Variants in CAPN3 observed in about 807,000 individuals in gnomAD.
The protein encoded by CAPN3 is calpain-3.
In CAPN3, 88 loss-of-function variants were observed where a neutral mutation model predicts 114.0. That is an observed-to-expected ratio of 0.77 (90% confidence interval 0.65 to 0.92). The LOEUF (loss-of-function observed/expected upper bound fraction) is 0.92, where lower values mean the gene tolerates loss of function less well. CAPN3 is among the 40% of genes least tolerant of loss of function. The probability of loss-of-function intolerance (pLI) is 0.00; values close to 1 mark genes in which losing one functional copy is unlikely to be tolerated. For missense variants in CAPN3, 1,028 were observed against 1,069.0 expected, an observed-to-expected ratio of 0.96 and a Z score of 0.53; for synonymous variants, 386 against 382.9, an observed-to-expected ratio of 1.01 and a Z score of -0.09.
chr15:42,360,485 C>T (rs753306079), intron 1 of CAPN3, among the ~76,000 whole-genome samples: 3 of 151,998 alleles, frequency 2.0e-5, no homozygotes, highest in African/African-American at 4.8e-5. Flanking sequence ...TGTACCTGTT[C>T]GTTTTAAATA....
intron 1 of CAPN3, among the ~76,000 whole-genome samples, chr15:42,362,401 G>C (rs1310312479): frequency 6.6e-6 from 1 of 152,296 alleles, no homozygotes; most frequent in East Asian, 1.9e-4. Flanking sequence ...TTATGCTCTA[G>C]GTACTAGATT....
chr15:42,396,920 G>A, intron 9 of CAPN3, 43 bp downstream of exon 9: 1 of 1,406,840 alleles, frequency 7.1e-7, no homozygotes, highest in Non-Finnish European at 1.0e-6. Context: ...TAAGGGTGGG[G>A]AAGAGAGGGG....
intron 1 of CAPN3, among the ~76,000 whole-genome samples, chr15:42,372,824 G>A (rs1348279407): frequency 1.3e-5 from 2 of 151,436 alleles, no homozygotes; most frequent in Non-Finnish European, 2.9e-5. Flanking sequence ...CTCCAGCTTG[G>A]GTGACAGAGG....
At chr15:42,379,274 G>T (rs1210899994) in intron 1 of CAPN3, among the ~76,000 whole-genome samples, 1 of 151,864 alleles carries the variant, frequency 6.6e-6, no homozygotes, top group African/African-American at 2.4e-5. Context: ...TCGCACCACT[G>T]CACTCCAGCC....
chr15:42,398,299 T>C (rs1434555036), intron 9 of CAPN3, among the ~76,000 whole-genome samples: 2 of 151,736 alleles, frequency 1.3e-5, no homozygotes, highest in African/African-American at 2.4e-5. Context: ...TTGAAAGATA[T>C]ATAGGCTGGG....
chr15:42,401,575 T>C lies in CAPN3; in HGVS notation c.1355-66T>C. ...GGGAATAGAAATAAATGGCTCCCTCTGTCTCATCCCCTTCCTGCCCTCTGA... is the reference window on the plus strand; with the variant it reads ...GGGAATAGAAATAAATGGCTCCCTCCGTCTCATCCCCTTCCTGCCCTCTGA... On this transcript the variant is annotated intron_variant, in intron 10 of 23. Coordinates refer to ENST00000397163, the MANE Select transcript of CAPN3 (RefSeq NM_000070.3). The C allele has an allele frequency of 2.2e-6, 3 of 1,368,892 alleles. No homozygotes were observed. The Admixed American group carries it at 5.4e-5, about 25-fold the overall frequency. 84.8% of individuals were successfully genotyped at this position (1,368,892 alleles called of 1,614,324 possible). A position where few individuals can be genotyped will look rare whatever the true frequency, so the allele number is the denominator to read the frequency against.
At chr15:42,366,690 C>T (rs1448638088) in intron 1 of CAPN3, among the ~76,000 whole-genome samples, 1 of 151,954 alleles carries the variant, frequency 6.6e-6, no homozygotes, top group Non-Finnish European at 1.5e-5. Context: ...AAGAAAAACA[C>T]CTGCCCGTTT....
intron 1 of CAPN3, among the ~76,000 whole-genome samples, chr15:42,381,660 C>T (rs1015474007): frequency 6.6e-6 from 1 of 152,184 alleles, no homozygotes; most frequent in Non-Finnish European, 1.5e-5. Context: ...CTGCCTCAGC[C>T]TCCCGAGTAG....
chr15:42,401,708 G>A lies in CAPN3; in HGVS notation c.1422G>A (p.Ser474=), dbSNP rs367855757. The change falls in exon 11 of 24, where the codon TCG becomes TCA. Residue 474 remains serine, a synonymous_variant. Transcript: ENST00000397163. ...LLEEDDDPDD[S]EVICSFLVAL... is the part of the protein sequence containing the mutation. Reference sequence around the variant, plus strand: ...AGGAGGACGATGACCCTGATGACTCGGAGGTGATTTGCAGCTTCCTGGTGG... The same window carrying A: ...AGGAGGACGATGACCCTGATGACTCAGAGGTGATTTGCAGCTTCCTGGTGG... 78 of 1,614,046 alleles carry A rather than the reference G, an allele frequency of 4.8e-5. No individual in the cohort carries two copies. The highest frequency in any genetic ancestry group is 1.6e-4 in the Middle Eastern group (1 of 6,084).
intron 6 of CAPN3, among the ~76,000 whole-genome samples, chr15:42,390,782 G>GT (rs1213260658): frequency 2.7e-4 from 32 of 118,010 alleles, no homozygotes; most frequent in Middle Eastern, 5.1e-3. Context: ...AGTTTTTTTT[G>GT]TTTTTTTGTT....
intron 6 of CAPN3, among the ~76,000 whole-genome samples, chr15:42,390,898 C>T (rs1390909991): frequency 6.8e-6 from 1 of 148,072 alleles, no homozygotes; most frequent in Non-Finnish European, 1.5e-5. Flanking sequence ...TAAACTAATT[C>T]TCCTGCCTCA....
intron 1 of CAPN3, among the ~76,000 whole-genome samples, chr15:42,368,929 A>G (rs891058163): frequency 6.6e-6 from 1 of 152,220 alleles, no homozygotes; most frequent in African/African-American, 2.4e-5. Flanking sequence ...GTTTGTGCCT[A>G]TAGTCCTAGC....
chr15:42,408,805 A>G, intron 16 of CAPN3: 1 of 299,210 alleles, frequency 3.3e-6, no homozygotes, highest in East Asian at 8.7e-5. Context: ...TCTCCAGACC[A>G]ATCCAGGGCC....
intron 10 of CAPN3, 81 bp from the exon 11 acceptor site, chr15:42,401,560 A>G: frequency 8.1e-7 from 1 of 1,239,680 alleles, no homozygotes; most frequent in Non-Finnish European, 1.1e-6. Flanking sequence ...GGGAATAGAA[A>G]TAAATGGCTC....
chr15:42,386,410 C>T, intron 3 of CAPN3, 125 bp downstream of exon 3: 2 of 781,204 alleles, frequency 2.6e-6, no homozygotes, highest in South Asian at 2.7e-5. Flanking sequence ...CAACAGTCGG[C>T]ATGGACCCCC....
At chr15:42,372,092 A>G (rs1320654580) in intron 1 of CAPN3, among the ~76,000 whole-genome samples, 1 of 152,218 alleles carries the variant, frequency 6.6e-6, no homozygotes, top group African/African-American at 2.4e-5. Context: ...TCCATGAAGC[A>G]GGGATGTTTC....
At chr15:42,408,181 T>C (rs747595583) in intron 15 of CAPN3, 30 bp from the exon 16 acceptor site, 27 of 1,480,818 alleles carry the variant, frequency 1.8e-5, no homozygotes, top group Non-Finnish European at 2.5e-5. Flanking sequence ...AATCCTCCCT[T>C]CCTTCCTGCC....
intron 22 of CAPN3, 34 bp from the exon 23 acceptor site, chr15:42,411,253 G>C: frequency 2.5e-6 from 4 of 1,596,512 alleles, no homozygotes; most frequent in Non-Finnish European, 3.4e-6. Flanking sequence ...GAGTGCGCCT[G>C]TAACTGGCCT....
In CAPN3 at chr15:42,396,904, G is replaced by C. The variant is rs777934714; in HGVS notation, c.1193+27G>C. The C allele has an allele frequency of 1.8e-5, 28 of 1,544,810 alleles. 1 individual carries two copies. The Admixed American group carries it at 4.5e-4, about 25-fold the overall frequency. On this transcript the variant is annotated intron_variant, in intron 9 of 23. Coordinates refer to ENST00000397163, the MANE Select transcript of CAPN3 (RefSeq NM_000070.3). ...TGAGTCCAGAACCCAGGAAGACCCA[G>C]AAGGGTAAGGGTGGGGAAGAGAGGG...
Sources: allele counts gnomAD v4.1 joint callset (sites outside exome capture counted in the v4.1 genomes callset), GRCh38; gene constraint gnomAD v4.1.1; transcripts MANE v1.5; gene names NCBI Gene and HGNC (gene_info 2026-07-23, HGNC 2026-07-21).